The following HELZ variants were observed in gnomAD, a reference collection of about 807,000 sequenced individuals.
HELZ encodes helicase with zinc finger, also known as ATP-dependent RNA helicase with zinc finger domain.
Under a neutral mutation model 218.2 loss-of-function variants are expected in HELZ, and 23 were observed. The ratio of observed to expected loss-of-function variants is 0.11; its 90% CI spans 0.08 to 0.15. The LOEUF is 0.15. HELZ is among the 10% of genes least tolerant of loss of function. The pLI, the probability that HELZ is intolerant of heterozygous loss-of-function variation, is 1.00. For synonymous variants in HELZ, 814 were observed against 829.4 expected, an observed-to-expected ratio of 0.98 and a Z score of 0.32; for missense variants, 1,813 against 2,353.7, an observed-to-expected ratio of 0.77 and a Z score of 4.75.
intron 27 of HELZ, among the ~76,000 whole-genome samples, chr17:67,118,953 T>C (rs187295491): frequency 6.7e-4 from 102 of 151,954 alleles, no homozygotes; most frequent in African/African-American, 2.4e-3. Flanking sequence ...AATACCACAA[T>C]GAGATATGAT....
intron 31 of HELZ, among the ~76,000 whole-genome samples, chr17:67,091,509 T>C (rs905082791): frequency 9.2e-5 from 14 of 152,122 alleles, no homozygotes; most frequent in South Asian, 2.1e-4. Context: ...AATGAAACAA[T>C]AGATCTAAGC....
rs1598254725 is a variant in HELZ, at chr17:67,115,122, C to A, written c.3839-719G>T. 2.0e-5 allele frequency among the ~76,000 whole-genome samples: 3 copies of A among 152,166 alleles called. No homozygotes were observed. In the East Asian group the frequency reaches 5.8e-4, roughly 29 times the overall value. On this transcript the variant is annotated intron_variant, in intron 27 of 32. Coordinates refer to ENST00000358691, the MANE Select transcript of HELZ (RefSeq NM_014877.4). ...AAATGAATTATCATGCCAGAATTAC[C>A]TTACCATTAAGCTTCAAGAAATGAA...
intron 27 of HELZ, among the ~76,000 whole-genome samples, chr17:67,119,214 A>G (rs985196245): frequency 6.6e-6 from 1 of 152,180 alleles, no homozygotes; most frequent in Non-Finnish European, 1.5e-5. Context: ...CAGCAGCTCT[A>G]TTCATAAGGG....
chr17:67,218,480 C>T, intron 4 of HELZ, 115 bp downstream of exon 4: 2 of 806,788 alleles, frequency 2.5e-6, no homozygotes. Flanking sequence ...CAGCAATCAC[C>T]AGCCACTTCA....
intron 3 of HELZ, among the ~76,000 whole-genome samples, chr17:67,227,583 G>C (rs1395022937): frequency 6.6e-6 from 1 of 152,138 alleles, no homozygotes; most frequent in African/African-American, 2.4e-5. Context: ...TGCATATGTA[G>C]GTTTTAGAGA....
rs759423676 is a variant in HELZ at position 67,215,914 on chromosome 17, C to G, written c.232G>C (p.Glu78Gln). 1 of 1,555,486 alleles carries G rather than the reference C, an allele frequency of 6.4e-7. No individual in the cohort carries two copies. Among genetic ancestry groups the G allele is most frequent in the Admixed American group, 1.7e-5 (1 of 59,356 alleles). Residue 78 changes from glutamate to glutamine, a missense_variant, in exon 5 of 33, where the codon GAA (glutamate) becomes CAA (glutamine). Glu to Gln is a conservative substitution (Grantham distance 29). Coordinates refer to ENST00000358691, the MANE Select transcript of HELZ (RefSeq NM_014877.4). Reference sequence around the variant, plus strand: ...TTAAACATACCATGTCTACAATCTTCATCAGCTTGCACATAATTTTTCTGC... The same window carrying G: ...TTAAACATACCATGTCTACAATCTTGATCAGCTTGCACATAATTTTTCTGC... ...LQLKNYVQAD[E>Q]DCRHVLGEGL...
At position 67,083,489 on chromosome 17, in the gene HELZ, A is replaced by AG. The variant is rs2036261952; in HGVS notation, c.5494+3339_5494+3340insC. 2.0e-5 allele frequency among the ~76,000 whole-genome samples: 3 copies of AG among 152,050 alleles called. No homozygotes were observed. The South Asian group carries it at 6.2e-4, about 32-fold the overall frequency. On this transcript the variant is annotated intron_variant, in intron 32 of 32. Transcript: ENST00000358691. ...ACCCTGTCTCTACTAAAAACACAAAAATTAGGCGGGCGCCTGTAATCCCAG... is the reference window on the plus strand; with the variant it reads ...ACCCTGTCTCTACTAAAAACACAAAAGATTAGGCGGGCGCCTGTAATCCCAG...
At chr17:67,094,182 T>TAC (rs1165021846) in intron 31 of HELZ, among the ~76,000 whole-genome samples, 1 of 151,692 alleles carries the variant, frequency 6.6e-6, no homozygotes, top group Non-Finnish European at 1.5e-5. Context: ...TTTAGCTGGG[T>TAC]GTGGTGGCAT....
At chr17:67,162,945 A>G (rs1044894364) in intron 15 of HELZ, among the ~76,000 whole-genome samples, 4 of 152,176 alleles carry the variant, frequency 2.6e-5, no homozygotes, top group African/African-American at 9.7e-5. Context: ...GCCCTGGACC[A>G]CATATCTCTA....
chr17:67,213,261 A>G (rs1265452628), intron 5 of HELZ, among the ~76,000 whole-genome samples: 4 of 152,196 alleles, frequency 2.6e-5, no homozygotes, highest in African/African-American at 9.7e-5. Context: ...TCAGTGACAG[A>G]TTACAGAGAC....
At chr17:67,195,648 G>T (rs1173117769) in intron 7 of HELZ, among the ~76,000 whole-genome samples, 178 bp from the exon 8 acceptor site, 1 of 151,822 alleles carries the variant, frequency 6.6e-6, no homozygotes, top group African/African-American at 2.4e-5. Context: ...ATTAAATATG[G>T]AAAACATATT....
Position 67,179,074 on chromosome 17 carries a change from C to T in HELZ, c.1163-148G>A, listed in dbSNP as rs971508952. On this transcript the variant is annotated intron_variant, in intron 12 of 32. Transcript: ENST00000358691. ...CTTAAAAACAAAACAATGCAAATAC[C>T]CATTGACTATTTCCCCCATATCAAA... 4.8e-5 allele frequency: 27 copies of T among 558,432 alleles called. No individual in the cohort carries two copies. The African/African-American group carries it at 5.0e-4, about 10-fold the overall frequency. The allele number at this position is 558,432 out of a possible 1,614,324, so 34.6% of individuals were successfully genotyped here. A position where few individuals can be genotyped will look rare whatever the true frequency, so the allele number is the denominator to read the frequency against.
In HELZ at chr17:67,188,651, G is replaced by C. The variant is rs779438747; in HGVS notation, c.865-35C>G. ...AGTTAAAATAATTCATTGAGTACAA[G>C]GGGGTGAAAAATCCAATTGTAATTG... On this transcript the variant is annotated intron_variant, in intron 11 of 32. Transcript: ENST00000358691. This position sits in a 1 kb window ranked among gnomAD's most constrained non-coding sequence, Gnocchi z 4.1. 1 of 1,549,658 alleles carries C rather than the reference G, an allele frequency of 6.5e-7. No homozygotes were observed. Among genetic ancestry groups the C allele is most frequent in the African/African-American group, 1.4e-5 (1 of 73,124 alleles).
At position 67,122,971 on chromosome 17, in the gene HELZ, G is replaced by A; in HGVS notation, c.3629C>T (p.Pro1210Leu). ...AAAGTATTTCGAATGTCCACTTACAGGTAAAGGCACCGACATAACTACATT... is the reference window on the plus strand; with the variant it reads ...AAAGTATTTCGAATGTCCACTTACAAGTAAAGGCACCGACATAACTACATT... Reference protein sequence around the residue: ...GGNVVMSVPLPVPWTGYQGRF... With the variant: ...GGNVVMSVPLLVPWTGYQGRF... The change falls in exon 26 of 33, where the codon CCT (proline) becomes CTT (leucine). Residue 1210 changes from proline to leucine, a missense_variant and splice_region_variant. Pro to Leu is a moderately conservative substitution (Grantham distance 98). Coordinates refer to ENST00000358691, the MANE Select transcript of HELZ (RefSeq NM_014877.4). 1 of 1,601,822 alleles carries A rather than the reference G, an allele frequency of 6.2e-7. No individual in the cohort carries two copies.
At position 67,238,384 on chromosome 17, in the gene HELZ, T is replaced by C. The variant is rs183150304; in HGVS notation, c.-19+1049A>G. Among the ~76,000 whole-genome samples the C allele has an allele frequency of 3.8e-3, 558 of 148,110 alleles. 4 individuals carry two copies. Among genetic ancestry groups the C allele is most frequent in the African/African-American group, 0.013 (528 of 40,118 alleles). ...AAAAAAAAAAAAGGAAGAAAATTAA[T>C]TTAAAAATAATTTTAGGTCGGGTGC... On this transcript the variant is annotated intron_variant, in intron 3 of 32. Transcript: ENST00000358691.
At chr17:67,135,246 A>G (rs1291539981) in intron 23 of HELZ, among the ~76,000 whole-genome samples, 1 of 152,242 alleles carries the variant, frequency 6.6e-6, no homozygotes, top group Non-Finnish European at 1.5e-5. Context: ...TTAACCAGAT[A>G]CAAAGAATTA....
chr17:67,221,353 A>ATACAC (rs999120228), intron 3 of HELZ, among the ~76,000 whole-genome samples: 1 of 152,178 alleles, frequency 6.6e-6, no homozygotes, highest in Non-Finnish European at 1.5e-5. Flanking sequence ...ATAGACAAGC[A>ATACAC]TACACTGCTT....
At chr17:67,211,343 A>C (rs1488195395) in intron 5 of HELZ, among the ~76,000 whole-genome samples, 1 of 152,174 alleles carries the variant, frequency 6.6e-6, no homozygotes, top group East Asian at 1.9e-4. Context: ...CTATTATGCT[A>C]ATAATAATAT....
intron 27 of HELZ, among the ~76,000 whole-genome samples, chr17:67,116,684 C>G (rs2037437025): frequency 6.6e-6 from 1 of 152,052 alleles, no homozygotes; most frequent in Admixed American, 6.5e-5. Flanking sequence ...AATAGAACTT[C>G]AAAATTCATC....
Sources: allele counts gnomAD v4.1 joint callset (sites outside exome capture counted in the v4.1 genomes callset), GRCh38; gene constraint gnomAD v4.1.1; non-coding constraint Gnocchi (gnomAD v3.1); transcripts MANE v1.5; gene names NCBI Gene and HGNC (gene_info 2026-07-23, HGNC 2026-07-21).